NVL: variants seen among roughly 807,000 people sequenced by gnomAD.
The protein encoded by NVL is nuclear valosin-containing protein-like.
NVL carries 84 observed loss-of-function variants against 110.2 expected under a neutral mutation model. The observed-to-expected ratio is 0.76, with a 90% CI of 0.64 to 0.91. NVL has a LOEUF of 0.91. Among genes scored for constraint, NVL ranks in the 40% least tolerant of loss-of-function variants. The pLI, the probability that NVL is intolerant of heterozygous loss-of-function variation, is 0.00. For synonymous variants in NVL, 354 were observed against 361.1 expected (o/e 0.98, Z 0.22); for missense variants, 882 against 1,035.9 (o/e 0.85, Z 2.04).
At chr1:224,289,314 C>A in intron 13 of NVL, 170 bp downstream of exon 13, 1 of 566,224 alleles carries the variant, frequency 1.8e-6, no homozygotes, top group Middle Eastern at 4.7e-4. Context: ...CATAAAACAA[C>A]TCATATTTTT....
rs769991564 is a variant in NVL, at chr1:224,289,746, CAG to C, written c.1326-15_1326-14del. 1.0e-5 allele frequency: 16 copies of C among 1,590,014 alleles called. No individual in the cohort carries two copies. Among genetic ancestry groups the C allele is most frequent in the East Asian group, 2.2e-5 (1 of 44,540 alleles). On this transcript the variant is annotated splice_polypyrimidine_tract_variant and intron_variant, in intron 12 of 22. Coordinates refer to ENST00000281701, the MANE Select transcript of NVL (RefSeq NM_002533.4). ...TGTTTGAAGTATTCTGTAGAAAAGACAGGGGAAAAAATTTCTGATTCCTGATC... is the reference window on the plus strand; with the variant it reads ...TGTTTGAAGTATTCTGTAGAAAAGACGGGAAAAAATTTCTGATTCCTGATC...
At chr1:224,258,966 C>T (rs1477122329) in intron 18 of NVL, among the ~76,000 whole-genome samples, 9 of 135,824 alleles carry the variant, frequency 6.6e-5, no homozygotes, top group Middle Eastern at 3.7e-3. Context: ...AACATGAGAC[C>T]CTGTCTCTAC....
intron 9 of NVL, 113 bp from the exon 10 acceptor site, chr1:224,300,776 T>G: frequency 1.4e-6 from 1 of 709,256 alleles, no homozygotes; most frequent in East Asian, 2.8e-5. Flanking sequence ...AACTTCATCT[T>G]TTTATGTTGG....
chr1:224,326,990 A>C (rs1238932246), intron 1 of NVL, among the ~76,000 whole-genome samples: 2 of 152,118 alleles, frequency 1.3e-5, no homozygotes, highest in African/African-American at 4.8e-5. Flanking sequence ...AAAAAATTAA[A>C]AAGTTGGTTG....
At chr1:224,228,610 T>C (rs943979333) in intron 22 of NVL, among the ~76,000 whole-genome samples, 5 of 148,908 alleles carry the variant, frequency 3.4e-5, no homozygotes, top group Non-Finnish European at 7.4e-5. Context: ...GCCGGGAAAG[T>C]AGAAGCTTCT....
chr1:224,253,731 C>CAAAAAAAAAAA (rs770232348), intron 18 of NVL, among the ~76,000 whole-genome samples: 1 of 55,780 alleles, frequency 1.8e-5, no homozygotes, highest in Non-Finnish European at 3.7e-5. Context: ...GGCTCGGTCT[C>CAAAAAAAAAAA]AAAAAAAAAA....
intron 1 of NVL, among the ~76,000 whole-genome samples, chr1:224,329,213 CTA>C (rs1671441229): frequency 6.6e-6 from 1 of 151,760 alleles, no homozygotes; most frequent in African/African-American, 2.4e-5. Flanking sequence ...CAGAGCGAGA[CTA>C]TGTCTCAGAA....
At chr1:224,305,398 C>A in intron 6 of NVL, 1 of 391,822 alleles carries the variant, frequency 2.6e-6, no homozygotes. Flanking sequence ...CTTGGCAGCA[C>A]ATATACTAAA....
At chr1:224,271,391 A>T (rs1246680828) in intron 17 of NVL, among the ~76,000 whole-genome samples, 4 of 151,976 alleles carry the variant, frequency 2.6e-5, no homozygotes. Context: ...CAGGCAGCTG[A>T]GGTGGGATCA....
chr1:224,270,590 T>C (rs986881919), intron 17 of NVL, among the ~76,000 whole-genome samples: 11 of 152,012 alleles, frequency 7.2e-5, no homozygotes, highest in African/African-American at 2.7e-4. Flanking sequence ...ACAAAACCTA[T>C]AATATTCTAT....
chr1:224,231,142 A>AG, intron 22 of NVL, 84 bp downstream of exon 22: 2 of 989,988 alleles, frequency 2.0e-6, no homozygotes, highest in Non-Finnish European at 3.1e-6. Flanking sequence ...CAAAAAAAAA[A>AG]AAAAAGAGTT....
chr1:224,232,729 C>T (rs557217333), intron 21 of NVL, among the ~76,000 whole-genome samples: 57 of 152,232 alleles, frequency 3.7e-4, no homozygotes, highest in African/African-American at 1.3e-3. Flanking sequence ...AAGGATGGTG[C>T]AAAGCTTTTG....
intron 18 of NVL, among the ~76,000 whole-genome samples, chr1:224,267,615 A>T (rs1664618544): frequency 6.7e-6 from 1 of 150,152 alleles, no homozygotes; most frequent in Non-Finnish European, 1.5e-5. Context: ...TGAACTCAGG[A>T]GGCAGAGGTT....
intron 20 of NVL, among the ~76,000 whole-genome samples, chr1:224,234,208 T>C (rs1388454099): frequency 6.6e-6 from 1 of 152,198 alleles, no homozygotes; most frequent in Non-Finnish European, 1.5e-5. Context: ...TGTAATAATA[T>C]GCTGAGTCAG....
intron 18 of NVL, chr1:224,257,086 T>G: frequency 1.9e-6 from 1 of 532,680 alleles, no homozygotes. Flanking sequence ...CTTTGGGAAA[T>G]CTGGGAAGAG....
In NVL at chr1:224,275,857, C is replaced by G. The variant is rs546020076; in HGVS notation, c.1963-399G>C. Among the ~76,000 whole-genome samples the G allele has an allele frequency of 1.6e-4, 24 of 152,210 alleles. 1 individual carries two copies. The highest frequency in any genetic ancestry group is 5.5e-4 in the African/African-American group (23 of 41,534). On this transcript the variant is annotated intron_variant, in intron 16 of 22. Transcript: ENST00000281701. ...AACAGTATTTTACATACACACAAGT[C>G]AAATTACTGTTTTATTGTTATTTTT...
intron 18 of NVL, among the ~76,000 whole-genome samples, chr1:224,253,743 A>G (rs1662808327): frequency 6.6e-6 from 1 of 151,184 alleles, no homozygotes; most frequent in Admixed American, 6.6e-5. Flanking sequence ...AAAAAAAAAA[A>G]AAAAAGAAAA....
chr1:224,247,286 G>A (rs1571816385), intron 19 of NVL, among the ~76,000 whole-genome samples: 1 of 152,060 alleles, frequency 6.6e-6, no homozygotes, highest in South Asian at 2.1e-4. Context: ...GCACACTGCA[G>A]CCTCGACTTC....
intron 15 of NVL, among the ~76,000 whole-genome samples, chr1:224,281,754 A>G (rs1666357059): frequency 6.6e-6 from 1 of 151,204 alleles, no homozygotes; most frequent in Admixed American, 6.6e-5. Flanking sequence ...GGAGTTTGAG[A>G]CCAGCCTGAC....
Sources: gnomAD v4.1 joint callset for allele counts (sites outside exome capture counted in the v4.1 genomes callset) on GRCh38, gnomAD v4.1.1 for gene constraint, MANE v1.5 for transcripts, NCBI Gene and HGNC (gene_info 2026-07-23, HGNC 2026-07-21) for gene names.